The following ZNF143 variants were observed in gnomAD, a reference collection of about 807,000 sequenced individuals.
ZNF143 encodes zinc finger protein 143.
In ZNF143, 49 loss-of-function variants were observed where a neutral mutation model predicts 74.1. The observed-to-expected ratio is 0.66, with a 90% confidence interval of 0.53 to 0.84. The LOEUF (loss-of-function observed/expected upper bound fraction) is 0.84, where lower values mean the gene tolerates loss of function less well. ZNF143 is among the 40% of genes least tolerant of loss of function. ZNF143 has a pLI of 0.00. For synonymous variants in ZNF143, 304 were observed against 282.8 expected (o/e 1.07, Z -0.75); for missense variants, 637 against 793.4 (o/e 0.80, Z 2.37).
intron 11 of ZNF143, among the ~76,000 whole-genome samples, chr11:9,502,066 A>T (rs1436866981): frequency 1.4e-5 from 2 of 147,838 alleles, no homozygotes; most frequent in Non-Finnish European, 1.5e-5. Context: ...CCTCCCTAGT[A>T]ACTGGGATTA....
At position 9,527,838 on chromosome 11, in the gene ZNF143, G is replaced by T; in HGVS notation, c.*225G>T. On this transcript the variant is annotated 3_prime_UTR_variant, in exon 16 of 16. Coordinates refer to ENST00000396602, the MANE Select transcript of ZNF143 (RefSeq NM_003442.6). ...TGTGTACAAGGAAGTATGAAATTAG[G>T]GCAATACAGTAAATTTTCATGTTAC... The T allele has an allele frequency of 4.8e-6, 2 of 418,512 alleles. No individual in the cohort carries two copies. Among genetic ancestry groups the T allele is most frequent in the Non-Finnish European group, 8.5e-6 (2 of 234,402 alleles). 25.9% of individuals were successfully genotyped at this position (418,512 alleles called of 1,614,324 possible). A position where few individuals can be genotyped will look rare whatever the true frequency, so the allele number is the denominator to read the frequency against.
At chr11:9,483,310 T>TG (rs1847324515) in intron 7 of ZNF143, among the ~76,000 whole-genome samples, 1 of 137,810 alleles carries the variant, frequency 7.3e-6, no homozygotes, top group Non-Finnish European at 1.5e-5. Flanking sequence ...TTTTTTTTTT[T>TG]TTTTGGAGAC....
intron 11 of ZNF143, among the ~76,000 whole-genome samples, chr11:9,504,960 AC>A (rs1403041034): frequency 1.9e-5 from 2 of 104,844 alleles, no homozygotes; most frequent in African/African-American, 6.1e-5. Flanking sequence ...GGTGTGAGCC[AC>A]CACGCCCAGC....
rs560514442 is a variant in ZNF143 at position 9,485,921 on chromosome 11, C to G, written c.645+6375C>G. On this transcript the variant is annotated intron_variant, in intron 7 of 15. Coordinates refer to ENST00000396602, the MANE Select transcript of ZNF143 (RefSeq NM_003442.6). Reference sequence around the variant, plus strand: ...CAGACAATACAATGCAATGTTTATCCTCAACCCTACTGAGTCTCTCACTCT... The same window carrying G: ...CAGACAATACAATGCAATGTTTATCGTCAACCCTACTGAGTCTCTCACTCT... Among the ~76,000 whole-genome samples the G allele has an allele frequency of 2.0e-5, 3 of 151,362 alleles. No individual in the cohort carries two copies. The South Asian group carries it at 6.2e-4, about 31-fold the overall frequency.
chr11:9,473,408 G>T (rs199567930), intron 3 of ZNF143, among the ~76,000 whole-genome samples: 1 of 130,250 alleles, frequency 7.7e-6, no homozygotes, highest in Non-Finnish European at 1.7e-5. Flanking sequence ...AAAAAAAAAA[G>T]ACATTTGGTT....
chr11:9,486,459 T>TATATAATATATTATATATATTATTA (rs1847554505), intron 7 of ZNF143, among the ~76,000 whole-genome samples: 1 of 85,982 alleles, frequency 1.2e-5, no homozygotes, highest in African/African-American at 4.6e-5. Context: ...ATATATTATA[T>TATATAATATATTATATATATTATTA]ATATATAAAA....
chr11:9,471,303 TAGA>T lies in ZNF143; in HGVS notation c.-2_1del, dbSNP rs1303345648. ...CAAGTGTCTTTATTTTTCTTCAAGG[TAGA>T]AGATGTTGTTAGCCCAAATAAATCG... On this transcript the variant is annotated splice_region_variant and 5_prime_UTR_variant, in exon 2 of 16. Coordinates refer to ENST00000396602, the MANE Select transcript of ZNF143 (RefSeq NM_003442.6). 4 of 1,601,172 alleles carry T rather than the reference TAGA, an allele frequency of 2.5e-6. No individual in the cohort carries two copies. The highest frequency in any genetic ancestry group is 3.4e-6 in the Non-Finnish European group (4 of 1,175,816).
At chr11:9,473,875 T>C (rs760216554) in intron 3 of ZNF143, 66 bp from the exon 4 acceptor site, 15 of 1,613,134 alleles carry the variant, frequency 9.3e-6, no homozygotes, top group African/African-American at 1.3e-5. Flanking sequence ...TGATATCATT[T>C]TGAAATTGTA....
intron 2 of ZNF143, among the ~76,000 whole-genome samples, chr11:9,471,803 C>T (rs547570230): frequency 1.2e-4 from 19 of 152,056 alleles, no homozygotes; most frequent in Non-Finnish European, 1.9e-4. Flanking sequence ...CAACCTGCTT[C>T]GGCCTCCCAA....
intron 14 of ZNF143, among the ~76,000 whole-genome samples, chr11:9,519,102 C>T (rs1057483929): frequency 1.3e-5 from 2 of 152,108 alleles, no homozygotes; most frequent in African/African-American, 4.8e-5. Flanking sequence ...AACTAACATC[C>T]TAAACAAAAT....
intron 15 of ZNF143, 49 bp downstream of exon 15, chr11:9,525,435 G>A: frequency 6.2e-7 from 1 of 1,611,498 alleles, no homozygotes; most frequent in South Asian, 1.1e-5. Context: ...GCTGCTCATA[G>A]CTTTCAACTT....
At chr11:9,486,363 T>TTATATATATAATATATTATATATATTA (rs1554964372) in intron 7 of ZNF143, among the ~76,000 whole-genome samples, 5 of 41,250 alleles carry the variant, frequency 1.2e-4, no homozygotes, top group Non-Finnish European at 2.2e-4. Context: ...TATATATATA[T>TTATATATATAATATATTATATATATTA]TATATATAAT....
chr11:9,516,422 A>G (rs1848726255), intron 14 of ZNF143, 60 bp downstream of exon 14: 2 of 1,459,420 alleles, frequency 1.4e-6, no homozygotes, highest in Non-Finnish European at 9.3e-7. Context: ...ACAGTTACAT[A>G]GGTATGCAAT....
chr11:9,493,321 C>T (rs556256965), intron 7 of ZNF143, among the ~76,000 whole-genome samples: 10 of 152,182 alleles, frequency 6.6e-5, no homozygotes, highest in African/African-American at 1.4e-4. Flanking sequence ...CCGCCCGCCT[C>T]GGCCTCACAA....
chr11:9,515,419 G>T (rs930043288), intron 13 of ZNF143, among the ~76,000 whole-genome samples: 1 of 151,758 alleles, frequency 6.6e-6, no homozygotes, highest in African/African-American at 2.4e-5. Context: ...GGAGGCCGAG[G>T]TGGGCGGATC....
intron 11 of ZNF143, among the ~76,000 whole-genome samples, chr11:9,503,642 C>CT (rs796242391): frequency 0.01 from 1,437 of 138,016 alleles, 9 homozygotes; most frequent in Middle Eastern, 0.022. Flanking sequence ...TGATGTGAAG[C>CT]TTTTTTTTTT....
chr11:9,483,271 G>GGT (rs1847320937), intron 7 of ZNF143, among the ~76,000 whole-genome samples: 1 of 144,344 alleles, frequency 6.9e-6, no homozygotes, highest in South Asian at 2.2e-4. Context: ...TGGGATTACA[G>GGT]GTGTGAGCCA....
chr11:9,503,656 T>C (rs1848246450), intron 11 of ZNF143, among the ~76,000 whole-genome samples: 1 of 151,800 alleles, frequency 6.6e-6, no homozygotes, highest in African/African-American at 2.4e-5. Flanking sequence ...TTTTTTTTTT[T>C]TTGAGACGGA....
At chr11:9,497,956 A>G (rs1442875979) in intron 10 of ZNF143, among the ~76,000 whole-genome samples, 156 bp downstream of exon 10, 3 of 150,034 alleles carry the variant, frequency 2.0e-5, no homozygotes, top group African/African-American at 7.4e-5. Context: ...TCAGCTTCCC[A>G]AGTAGCTGGG....
Sources: gnomAD v4.1 joint callset for allele counts (sites outside exome capture counted in the v4.1 genomes callset) on GRCh38, gnomAD v4.1.1 for gene constraint, MANE v1.5 for transcripts, NCBI Gene and HGNC (gene_info 2026-07-23, HGNC 2026-07-21) for gene names.